Variants in DMD observed in about 807,000 individuals in gnomAD.
DMD encodes the protein dystrophin, also known as mutant dystrophin.
In DMD, 63 loss-of-function variants were observed where a neutral mutation model predicts 330.1. The ratio of observed to expected loss-of-function variants is 0.19; its 90% confidence interval spans 0.16 to 0.24. The LOEUF is 0.24. Ranked by LOEUF, DMD falls within the 10% of genes least tolerant of loss-of-function variation. DMD has a pLI of 1.00. For synonymous variants in DMD, 1,223 were observed against 959.8 expected, an observed-to-expected ratio of 1.27 and a Z score of -5.07; for missense variants, 3,344 against 2,684.1, an observed-to-expected ratio of 1.25 and a Z score of -5.43.
intron 7 of DMD, among the ~76,000 whole-genome samples, chrX:32,738,551 A>G (rs1056396035): frequency 8.9e-6 from 1 of 111,831 alleles, no homozygotes; most frequent in Non-Finnish European, 1.9e-5. Flanking sequence ...CATATTAAAT[A>G]TTAGCTATTT....
intron 2 of DMD, among the ~76,000 whole-genome samples, chrX:32,966,841 G>T (rs1396036113): frequency 8.9e-6 from 1 of 112,186 alleles, no homozygotes; most frequent in African/African-American, 3.2e-5. Context: ...ATGTCTGAGT[G>T]ATAAACATCC....
chrX:31,174,816 G>A (rs1459902322), intron 71 of DMD, among the ~76,000 whole-genome samples: 8 of 111,742 alleles, frequency 7.2e-5, no homozygotes, highest in East Asian at 5.5e-4. Flanking sequence ...AGATAATTAC[G>A]ACACACTATA....
chrX:32,052,795 G>T (rs890586531), intron 44 of DMD, among the ~76,000 whole-genome samples: 2 of 111,339 alleles, frequency 1.8e-5, no homozygotes, highest in African/African-American at 6.5e-5. Flanking sequence ...AAATGAATGA[G>T]AGTAGTAGAT....
At chrX:32,657,843 T>C (rs979562111) in intron 9 of DMD, among the ~76,000 whole-genome samples, 7 of 111,690 alleles carry the variant, frequency 6.3e-5, no homozygotes, top group Non-Finnish European at 1.1e-4. Flanking sequence ...ATACGTCTCA[T>C]GGAAAAACAC....
At chrX:33,216,648 A>C (rs1006952947) in intron 1 of DMD, among the ~76,000 whole-genome samples, 5 of 112,450 alleles carry the variant, frequency 4.4e-5, no homozygotes, top group Non-Finnish European at 9.4e-5. Flanking sequence ...ACAATTGTTT[A>C]CAGATGAATT....
intron 44 of DMD, among the ~76,000 whole-genome samples, chrX:32,195,926 A>G (rs1331424617): frequency 8.9e-6 from 1 of 112,050 alleles, no homozygotes; most frequent in African/African-American, 3.2e-5. Flanking sequence ...AAGACTAAGC[A>G]TATATAAGGC....
intron 1 of DMD, among the ~76,000 whole-genome samples, chrX:33,324,214 AAGTG>A (rs1439948916): frequency 9.0e-6 from 1 of 111,123 alleles, no homozygotes; most frequent in East Asian, 2.8e-4. Context: ...CACAGCAAAG[AAGTG>A]AGTGAGACGG....
intron 64 of DMD, among the ~76,000 whole-genome samples, chrX:31,222,392 C>CAAAAAAAAAAAAAAAA (rs57227723): frequency 9.7e-5 from 2 of 20,626 alleles, no homozygotes; most frequent in Non-Finnish European, 1.7e-4. Context: ...GACTCCATCT[C>CAAAAAAAAAAAAAAAA]AAAAAAAAAA....
chrX:31,757,821 A>G (rs2089248560), intron 51 of DMD, among the ~76,000 whole-genome samples: 1 of 110,929 alleles, frequency 9.0e-6, no homozygotes, highest in Non-Finnish European at 1.9e-5. Context: ...TCCCGTGGCT[A>G]AAGAGAATCA....
chrX:31,790,622 A>C (rs769046832), intron 50 of DMD, among the ~76,000 whole-genome samples: 1 of 111,339 alleles, frequency 9.0e-6, no homozygotes. Context: ...TGGTAATATT[A>C]AGTTGGGAAG....
chrX:31,530,399 T>C (rs1280908967), intron 55 of DMD, among the ~76,000 whole-genome samples: 1 of 112,016 alleles, frequency 8.9e-6, no homozygotes, highest in Non-Finnish European at 1.9e-5. Flanking sequence ...CTCCTGCTAC[T>C]CTGGGAGCTC....
At chrX:32,476,681 G>A (rs1023071290) in intron 21 of DMD, among the ~76,000 whole-genome samples, 2 of 111,531 alleles carry the variant, frequency 1.8e-5, no homozygotes, top group African/African-American at 6.5e-5. Flanking sequence ...GGGAATGCCA[G>A]TGAAGAATTC....
chrX:32,156,666 ACG>A (rs2096831795), intron 44 of DMD, among the ~76,000 whole-genome samples: 2 of 107,916 alleles, frequency 1.9e-5, no homozygotes, highest in African/African-American at 6.8e-5. Context: ...ACACACACAC[ACG>A]CACGCAATTA....
chrX:32,327,934 A>T (rs976901646), intron 41 of DMD, among the ~76,000 whole-genome samples: 3 of 111,413 alleles, frequency 2.7e-5, no homozygotes, highest in Non-Finnish European at 5.7e-5. Flanking sequence ...TAAAAAATAA[A>T]TTTTTTTTCA....
intron 63 of DMD, among the ~76,000 whole-genome samples, chrX:31,231,007 T>C (rs1348978376): frequency 3.6e-5 from 4 of 111,478 alleles, no homozygotes; most frequent in African/African-American, 1.3e-4. Context: ...GAACTGTGTA[T>C]CTTAAGTACC....
chrX:32,904,023 C>T (rs2086527306), intron 2 of DMD, among the ~76,000 whole-genome samples: 1 of 111,687 alleles, frequency 9.0e-6, no homozygotes, highest in Non-Finnish European at 1.9e-5. Flanking sequence ...CAGAAATTTT[C>T]AACTGTCAAA....
At chrX:31,555,068 A>G (rs1280770373) in intron 55 of DMD, among the ~76,000 whole-genome samples, 1 of 111,993 alleles carries the variant, frequency 8.9e-6, no homozygotes, top group Admixed American at 9.5e-5. Context: ...AGAGTTCAGT[A>G]AAGAGGGATA....
chrX:32,308,744 A>AG (rs1402812240), intron 42 of DMD, among the ~76,000 whole-genome samples: 1 of 111,005 alleles, frequency 9.0e-6, no homozygotes, highest in Non-Finnish European at 1.9e-5. Flanking sequence ...TGCCAGGCTA[A>AG]GAGGTATGGA....
At chrX:32,763,736 A>G (rs1488467642) in intron 7 of DMD, among the ~76,000 whole-genome samples, 1 of 111,917 alleles carries the variant, frequency 8.9e-6, no homozygotes, top group Non-Finnish European at 1.9e-5. Context: ...TTTACGTCAA[A>G]TTCCAATTAA....
Sources: gnomAD v4.1 joint callset for allele counts (sites outside exome capture counted in the v4.1 genomes callset) on GRCh38, gnomAD v4.1.1 for gene constraint, MANE v1.5 for transcripts, NCBI Gene and HGNC (gene_info 2026-07-23, HGNC 2026-07-21) for gene names.